Variants in UBAP2L observed in about 807,000 individuals in gnomAD.
UBAP2L encodes the protein ubiquitin-associated protein 2-like.
UBAP2L carries 12 observed loss-of-function variants against 130.6 expected under a neutral mutation model. The observed-to-expected ratio is 0.09, with a 90% CI of 0.06 to 0.15. The LOEUF (loss-of-function observed/expected upper bound fraction) is 0.15. Among genes scored for constraint, UBAP2L ranks in the 10% least tolerant of loss-of-function variants. The pLI, the probability that UBAP2L is intolerant of heterozygous loss-of-function variation, is 1.00. For missense variants in UBAP2L, 965 were observed against 1,332.5 expected (o/e 0.72, Z 4.29); for synonymous variants, 503 against 524.7 (o/e 0.96, Z 0.57).
At position 154,231,270 on chromosome 1, in the gene UBAP2L, G is replaced by A. The variant is rs1158355066; in HGVS notation, c.279+2545G>A. On this transcript the variant is annotated intron_variant, in intron 4 of 26. Coordinates refer to ENST00000428931, the MANE Select transcript of UBAP2L (RefSeq NM_014847.4). ...CTCTTTAGTAGCTGGGACAACAGGT[G>A]TGCGCCACCACACTTGGCTTTTTTT... Among the ~76,000 whole-genome samples the A allele has an allele frequency of 1.1e-4, 17 of 149,650 alleles. 1 individual carries two copies. Among genetic ancestry groups the A allele is most frequent in the Non-Finnish European group, 1.5e-5 (1 of 67,748 alleles).
intron 22 of UBAP2L, 110 bp downstream of exon 22, chr1:154,260,139 C>G (rs1308728139): frequency 2.6e-6 from 3 of 1,171,792 alleles, no homozygotes; most frequent in African/African-American, 3.0e-5. Context: ...TTGGTAGATT[C>G]AAAATCCTGC....
In UBAP2L at chr1:154,243,151, A is replaced by AC. The variant is rs567000378; in HGVS notation, c.757-64dup. 1.3e-4 allele frequency: 172 copies of AC among 1,371,140 alleles called. No individual in the cohort carries two copies. In the African/African-American group the frequency reaches 1.9e-3, roughly 15 times the overall value. The allele number at this position is 1,371,140 out of a possible 1,614,324, so 84.9% of individuals were successfully genotyped here. A position where few individuals can be genotyped will look rare whatever the true frequency, so the allele number is the denominator to read the frequency against. ...TTTTTCTTGATGTTGAATTCCCCTT[A>AC]CCTATGCCAAGTTTCTGACTGTAGC... On this transcript the variant is annotated intron_variant, in intron 9 of 26. Coordinates refer to ENST00000428931, the MANE Select transcript of UBAP2L (RefSeq NM_014847.4).
chr1:154,253,788 T>G, intron 14 of UBAP2L, 112 bp from the exon 15 acceptor site: 4 of 1,116,440 alleles, frequency 3.6e-6, no homozygotes, highest in Non-Finnish European at 5.0e-6. Context: ...GCTGAAAAAT[T>G]TCTTCTTGAT....
chr1:154,233,138 C>T (rs749408198), intron 4 of UBAP2L, among the ~76,000 whole-genome samples: 8 of 151,962 alleles, frequency 5.3e-5, no homozygotes, highest in East Asian at 1.9e-4. Context: ...CCCAGTCTCC[C>T]GAGTAGCGGG....
chr1:154,260,905 G>A lies in UBAP2L; in HGVS notation c.2592G>A (p.Lys864=), dbSNP rs1681354126. ...CTCCTGTCACAGGTGACCTCACAAAGTTCGGCCGTGGGGATGCCTCCTCCC... is the reference window on the plus strand; with the variant it reads ...CTCCTGTCACAGGTGACCTCACAAAATTCGGCCGTGGGGATGCCTCCTCCC... The part of the protein sequence containing the change: ...ASNPYSGDLT[K]FGRGDASSPA... Residue 864 remains lysine (K), a synonymous_variant, in exon 23 of 27, where the codon AAG becomes AAA. Transcript: ENST00000428931. The A allele has an allele frequency of 1.9e-6, 3 of 1,614,066 alleles. No homozygotes were observed. The Admixed American group carries it at 5.0e-5, about 27-fold the overall frequency.
intron 26 of UBAP2L, among the ~76,000 whole-genome samples, chr1:154,269,956 A>G (rs532464382): frequency 1.8e-4 from 27 of 152,278 alleles, no homozygotes; most frequent in African/African-American, 6.0e-4. Context: ...GAACTCACTC[A>G]CTACCTTGTC....
At chr1:154,270,167 T>G in intron 26 of UBAP2L, 33 bp from the exon 27 acceptor site, 1 of 1,550,100 alleles carries the variant, frequency 6.5e-7, no homozygotes, top group Non-Finnish European at 8.7e-7. Flanking sequence ...TAGACACCTT[T>G]TTCCTCCTCA....
intron 1 of UBAP2L, among the ~76,000 whole-genome samples, chr1:154,224,258 T>A (rs188146022): frequency 6.6e-6 from 1 of 152,186 alleles, no homozygotes; most frequent in Admixed American, 6.5e-5. Flanking sequence ...CAAATAAAAC[T>A]TTGTGCTAGA....
intron 10 of UBAP2L, among the ~76,000 whole-genome samples, chr1:154,245,476 C>G (rs116602107): frequency 0.014 from 2,142 of 152,268 alleles, 47 homozygotes; most frequent in African/African-American, 0.049. Flanking sequence ...CAGACTGCCC[C>G]TGTTCTAAAG....
At chr1:154,239,034 C>A (rs868596568) in intron 8 of UBAP2L, among the ~76,000 whole-genome samples, 29 of 152,132 alleles carry the variant, frequency 1.9e-4, no homozygotes, top group African/African-American at 7.0e-4. Flanking sequence ...AGCCACCACG[C>A]CTGGTCGTTG....
chr1:154,241,516 C>T lies in UBAP2L; in HGVS notation c.707C>T (p.Ala236Val). Residue 236 changes from alanine to valine, a missense_variant, in exon 9 of 27, where the codon GCA becomes GTA. By Grantham distance (64) the Ala-to-Val change is moderately conservative (BLOSUM62 0). This residue lies in a region of UBAP2L where 19 missense variants were observed against 52.1 expected (regional missense o/e 0.36). Transcript: ENST00000428931. Reference sequence around the variant, plus strand: ...CACTATTTTTCTTTATTCTCAGGTGCATGGAGGACTGCAACAGAGGAGTGG... The same window carrying T: ...CACTATTTTTCTTTATTCTCAGGTGTATGGAGGACTGCAACAGAGGAGTGG... ...GHFEPDDGTS[A>V]WRTATEEWGT... 1 of 1,613,738 alleles carries T rather than the reference C, an allele frequency of 6.2e-7. No homozygotes were observed. The highest frequency in any genetic ancestry group is 8.5e-7 in the Non-Finnish European group (1 of 1,179,792).
intron 24 of UBAP2L, among the ~76,000 whole-genome samples, chr1:154,261,965 G>C (rs550584967): frequency 6.6e-6 from 1 of 152,172 alleles, no homozygotes; most frequent in Non-Finnish European, 1.5e-5. Flanking sequence ...CAAAAGTGTG[G>C]GTGGAAGTAG....
rs141995463 is a variant in UBAP2L at position 154,268,339 on chromosome 1, C to T, written c.2971-418C>T. Among the ~76,000 whole-genome samples, 101 of 151,042 alleles carry T rather than the reference C, an allele frequency of 6.7e-4. No homozygotes were observed. In the East Asian group the frequency reaches 0.017, roughly 25 times the overall value. On this transcript the variant is annotated intron_variant, in intron 25 of 26. Transcript: ENST00000428931. ...CCCAAGTAGCTGGATTACAGGCGCC[C>T]GCCACCATGCCCGGCTAATTTTTGT...
chr1:154,240,009 T>G (rs892680674), intron 8 of UBAP2L, among the ~76,000 whole-genome samples: 6 of 152,260 alleles, frequency 3.9e-5, no homozygotes, highest in Admixed American at 3.9e-4. Flanking sequence ...TTTTGCATTA[T>G]TAAATGTTTA....
At chr1:154,258,665 C>CA in intron 20 of UBAP2L, 1 of 212,810 alleles carries the variant, frequency 4.7e-6, no homozygotes, top group South Asian at 8.9e-5. Context: ...GTATAAGAGA[C>CA]AGAGACTTGT....
chr1:154,268,961 GCCCTTCC>G lies in UBAP2L; in HGVS notation c.3168+10_3168+16del. On this transcript the variant is annotated splice_region_variant and intron_variant, in intron 26 of 26. Transcript: ENST00000428931. ...CCTGCAGCAGGATGGCCAGGTAATA[GCCCTTCC>G]CCTTCTCTCCTTTCCCTTCCTCTTC... 6.2e-7 allele frequency: 1 copy of G among 1,613,328 alleles called. No individual in the cohort carries two copies. Among genetic ancestry groups the G allele is most frequent in the Non-Finnish European group, 8.5e-7 (1 of 1,179,770 alleles).
At chr1:154,221,832 G>A (rs1186557326) in intron 1 of UBAP2L, among the ~76,000 whole-genome samples, 1 of 152,222 alleles carries the variant, frequency 6.6e-6, no homozygotes, top group African/African-American at 2.4e-5. Flanking sequence ...TGTTATTTGG[G>A]AAGCTGGACA....
At chr1:154,250,908 G>A in intron 12 of UBAP2L, 133 bp from the exon 13 acceptor site, 1 of 740,548 alleles carries the variant, frequency 1.4e-6, no homozygotes, top group African/African-American at 1.8e-5. Context: ...ATGAGATTAA[G>A]CCCCAAAAGA....
At position 154,270,201 on chromosome 1, in the gene UBAP2L, C is replaced by T. The variant is rs755605933; in HGVS notation, c.3170C>T (p.Thr1057Met). The change falls in exon 27 of 27, where the codon ACG (threonine) becomes ATG (methionine). Residue 1057 changes from threonine to methionine, a missense_variant and splice_region_variant. Physicochemically the swap from Thr to Met is moderately conservative, Grantham distance 81 (BLOSUM62 -1). Transcript: ENST00000428931. The part of the protein sequence containing the change: ...LHHHLQQDGQ[T>M]GSGQRSQTSS... Reference sequence around the variant, plus strand: ...CATGATCCTCCCATTCCCCTGCAGACGGGCAGCGGGCAACGTAGCCAGACC... The same window carrying T: ...CATGATCCTCCCATTCCCCTGCAGATGGGCAGCGGGCAACGTAGCCAGACC... 7 of 1,596,216 alleles carry T rather than the reference C, an allele frequency of 4.4e-6. No individual in the cohort carries two copies. The highest frequency in any genetic ancestry group is 2.2e-5 in the East Asian group (1 of 44,520).
Sources: gnomAD v4.1 joint callset for allele counts (sites outside exome capture counted in the v4.1 genomes callset) on GRCh38, gnomAD v4.1.1 for gene constraint, gnomAD v4.1.1 regional missense constraint, MANE v1.5 for transcripts, NCBI Gene and HGNC (gene_info 2026-07-23, HGNC 2026-07-21) for gene names.